RNF2: variants seen among roughly 807,000 people sequenced by gnomAD.
The protein encoded by RNF2 is E3 ubiquitin-protein ligase RING2.
RNF2 carries 6 observed loss-of-function variants against 37.2 expected under a neutral mutation model. The ratio of observed to expected loss-of-function variants is 0.16; its 90% CI spans 0.09 to 0.32. The LOEUF is 0.32. Among genes scored for constraint, RNF2 ranks in the 10% least tolerant of loss-of-function variants. The pLI is 1.00. For missense variants in RNF2, 251 were observed against 404.0 expected, an observed-to-expected ratio of 0.62 and a Z score of 3.25; for synonymous variants, 133 against 132.7, an observed-to-expected ratio of 1.00 and a Z score of -0.02.
At chr1:185,093,410 A>G in intron 4 of RNF2, 134 bp downstream of exon 4, 2 of 717,332 alleles carry the variant, frequency 2.8e-6, no homozygotes, top group South Asian at 3.9e-5. Context: ...TGCAGGTATA[A>G]TACATGCCTC....
At chr1:185,085,145 CTT>C (rs71555455) in intron 1 of RNF2, among the ~76,000 whole-genome samples, 46 of 103,210 alleles carry the variant, frequency 4.5e-4, no homozygotes, top group African/African-American at 1.4e-3. Flanking sequence ...CTTTCTTTTT[CTT>C]TTTTTTTTTT....
intron 1 of RNF2, among the ~76,000 whole-genome samples, chr1:185,054,585 A>C (rs1003659221): frequency 6.6e-6 from 1 of 152,064 alleles, no homozygotes; most frequent in Non-Finnish European, 1.5e-5. Flanking sequence ...GGCCGCCAGG[A>C]CCCCGAGGCC....
rs1557976118 is a variant in RNF2 at position 185,098,052 on chromosome 1, C to T, written c.465-20C>T. On this transcript the variant is annotated intron_variant, in intron 4 of 6. Coordinates refer to ENST00000367510, the MANE Select transcript of RNF2 (RefSeq NM_007212.4). ...GGCCTAAAAGTAAATTTTATGCATCCTTTTTTCCCCCTTGACTAGACTGCA... is the reference window on the plus strand; with the variant it reads ...GGCCTAAAAGTAAATTTTATGCATCTTTTTTTCCCCCTTGACTAGACTGCA... 4 of 1,606,386 alleles carry T rather than the reference C, an allele frequency of 2.5e-6. No homozygotes were observed. The highest frequency in any genetic ancestry group is 2.2e-5 in the South Asian group (2 of 90,704).
intron 1 of RNF2, among the ~76,000 whole-genome samples, chr1:185,064,980 G>A (rs1323979080): frequency 6.6e-6 from 1 of 152,124 alleles, no homozygotes; most frequent in African/African-American, 2.4e-5. Flanking sequence ...TATGTGTGGA[G>A]TCTTCAGGGC....
At chr1:185,081,349 C>T (rs1651343341) in intron 1 of RNF2, among the ~76,000 whole-genome samples, 1 of 151,550 alleles carries the variant, frequency 6.6e-6, no homozygotes, top group Admixed American at 6.6e-5. Flanking sequence ...GGCGAGAGGT[C>T]CGATGACTAT....
At chr1:185,091,788 G>A in intron 3 of RNF2, 49 bp downstream of exon 3, 1 of 1,467,150 alleles carries the variant, frequency 6.8e-7, no homozygotes, top group Non-Finnish European at 9.3e-7. Context: ...TACCACGAAA[G>A]TGCTTTCCAG....
At chr1:185,089,526 T>C (rs1257989465) in intron 2 of RNF2, among the ~76,000 whole-genome samples, 1 of 152,128 alleles carries the variant, frequency 6.6e-6, no homozygotes, top group Non-Finnish European at 1.5e-5. Flanking sequence ...AGTTTGAGGG[T>C]TGATTGGAAT....
chr1:185,087,982 A>T (rs1223570169), intron 2 of RNF2, among the ~76,000 whole-genome samples: 1 of 152,228 alleles, frequency 6.6e-6, no homozygotes. Context: ...AGTACTGATA[A>T]GGCACCAAGG....
intron 1 of RNF2, among the ~76,000 whole-genome samples, chr1:185,076,296 T>G (rs1197152298): frequency 6.2e-5 from 5 of 81,190 alleles, no homozygotes; most frequent in African/African-American, 2.5e-4. Context: ...TTTTTTTTTT[T>G]TTTTTTTTTT....
intron 1 of RNF2, among the ~76,000 whole-genome samples, chr1:185,087,097 TTTG>T (rs1314230701): frequency 3.3e-5 from 5 of 152,138 alleles, no homozygotes; most frequent in African/African-American, 2.4e-5. Context: ...CAGTGAATAA[TTTG>T]TTTTTTTTAT....
In RNF2 at chr1:185,093,537, AATTCTTTTCCT is replaced by A. The variant is rs1409997858; in HGVS notation, c.464+270_464+280del. 1.7e-4 allele frequency among the ~76,000 whole-genome samples: 26 copies of A among 152,138 alleles called. No homozygotes were observed. The South Asian group carries it at 5.2e-3, about 30-fold the overall frequency. The stretch of plus-strand genomic sequence containing the variant: ...AATTCCTTGAAAGAGTTGTAACTCC[AATTCTTTTCCT>A]ATTCTTTTATGAACCCCCTCCAATC... On this transcript the variant is annotated intron_variant, in intron 4 of 6. Coordinates refer to ENST00000367510, the MANE Select transcript of RNF2 (RefSeq NM_007212.4).
chr1:185,101,529 T>G lies in RNF2; in HGVS notation c.*1228T>G, dbSNP rs1396493849. The G allele has an allele frequency of 6.6e-6, 1 of 152,550 alleles. No homozygotes were observed. Among genetic ancestry groups the G allele is most frequent in the Non-Finnish European group, 1.5e-5 (1 of 67,996 alleles). 9.4% of individuals were successfully genotyped at this position (152,550 alleles called of 1,614,324 possible). On this transcript the variant is annotated 3_prime_UTR_variant, in exon 7 of 7. Coordinates refer to ENST00000367510, the MANE Select transcript of RNF2 (RefSeq NM_007212.4). ...TTTGTTGACAGATCAGAAATAAGAT[T>G]GACTTGGGTGTTATATTTCATCTCT...
intron 1 of RNF2, among the ~76,000 whole-genome samples, chr1:185,064,300 C>T (rs967721767): frequency 2.0e-5 from 3 of 152,184 alleles, no homozygotes; most frequent in Non-Finnish European, 2.9e-5. Context: ...AGTCTTATTG[C>T]ACCAATAATA....
At chr1:185,049,941 C>T (rs1283435937) in intron 1 of RNF2, among the ~76,000 whole-genome samples, 1 of 152,222 alleles carries the variant, frequency 6.6e-6, no homozygotes, top group Non-Finnish European at 1.5e-5. Flanking sequence ...TCCTGTTTTC[C>T]AGTCTTCACT....
intron 1 of RNF2, chr1:185,046,186 T>G (rs1271034997): frequency 6.6e-6 from 1 of 152,150 alleles, no homozygotes; most frequent in Non-Finnish European, 1.5e-5. Context: ...GGGGTTCCAG[T>G]GTAGAGGAGC....
At chr1:185,079,068 C>G (rs1465312688) in intron 1 of RNF2, among the ~76,000 whole-genome samples, 3 of 147,970 alleles carry the variant, frequency 2.0e-5, no homozygotes, top group Non-Finnish European at 4.4e-5. Flanking sequence ...TCTACTATGA[C>G]TAGATCTTTT....
intron 1 of RNF2, among the ~76,000 whole-genome samples, chr1:185,082,560 G>A (rs1319566090): frequency 6.6e-6 from 1 of 151,172 alleles, no homozygotes; most frequent in Non-Finnish European, 1.5e-5. Context: ...TTGCCATGTT[G>A]GCCAGGTTGG....
At chr1:185,069,743 A>G (rs147310444) in intron 1 of RNF2, among the ~76,000 whole-genome samples, 162 of 152,352 alleles carry the variant, frequency 1.1e-3, no homozygotes, top group Middle Eastern at 3.4e-3. Flanking sequence ...CATTTTATAA[A>G]TAATTTGCTA....
At chr1:185,056,793 A>G (rs1048294161) in intron 1 of RNF2, among the ~76,000 whole-genome samples, 1 of 152,078 alleles carries the variant, frequency 6.6e-6, no homozygotes, top group African/African-American at 2.4e-5. Context: ...TATTACTTAA[A>G]ATGTCTTTGA....
Sources: allele counts gnomAD v4.1 joint callset (sites outside exome capture counted in the v4.1 genomes callset), GRCh38; gene constraint gnomAD v4.1.1; transcripts MANE v1.5; gene names NCBI Gene and HGNC (gene_info 2026-07-23, HGNC 2026-07-21).